The following NPIPB12 variants were observed in gnomAD, a reference collection of about 807,000 sequenced individuals.
The protein encoded by NPIPB12 is nuclear pore complex interacting protein family member B12, also known as nuclear pore complex-interacting protein family member B12.
rs1396078682 is a variant in NPIPB12 at position 29,497,639 on chromosome 16, CCT to C, written c.75+1683_75+1684del. On this transcript the variant is annotated intron_variant, in intron 1 of 5. Transcript: ENST00000617311. ...TATGTGAGTGAAGACGAAGACTTCCCCTGAGTAAGTTCAGACAGCTTCTGATA... is the reference window on the plus strand; with the variant it reads ...TATGTGAGTGAAGACGAAGACTTCCCGAGTAAGTTCAGACAGCTTCTGATA... Among the ~76,000 whole-genome samples, 25 of 62,102 alleles carry C rather than the reference CCT, an allele frequency of 4.0e-4. 8 individuals are homozygous for C. Among genetic ancestry groups the C allele is most frequent in the Admixed American group, 2.8e-3 (18 of 6,508 alleles). 40.7% of individuals were successfully genotyped at this position (62,102 alleles called of 152,430 possible).
At chr16:29,492,761 T>TCCAG (rs1965104395) in intron 2 of NPIPB12, among the ~76,000 whole-genome samples, 1 of 124,738 alleles carries the variant, frequency 8.0e-6, no homozygotes, top group African/African-American at 3.1e-5. Context: ...ACCACTGCAC[T>TCCAG]CCAGCCTGGT....
intron 4 of NPIPB12, among the ~76,000 whole-genome samples, chr16:29,490,412 C>T (rs1230228444): frequency 2.0e-5 from 3 of 147,296 alleles, no homozygotes; most frequent in African/African-American, 2.5e-5. Flanking sequence ...ACTAGCCTGG[C>T]CAACATGGTG....
At chr16:29,485,481 G>A (rs1414943217), downstream of NPIPB12, 1 of 1,590,082 alleles carries the variant, frequency 6.3e-7, no homozygotes, top group Admixed American at 1.7e-5. Context: ...CGCTGAGGGT[G>A]GAAGGGGAGT....
In NPIPB12 at chr16:29,490,953, C is replaced by CT. The variant is rs1215658073; in HGVS notation, c.449+513dup. Among the ~76,000 whole-genome samples the CT allele has an allele frequency of 7.5e-5, 11 of 145,840 alleles. No homozygotes were observed. In the South Asian group the frequency reaches 2.4e-3, roughly 32 times the overall value. ...AGGCTGGCTGTGGTGGCTCACGCCTCTAATACCAGCACTTTGGGAGGCTGA... is the reference window on the plus strand; with the variant it reads ...AGGCTGGCTGTGGTGGCTCACGCCTCTTAATACCAGCACTTTGGGAGGCTGA... On this transcript the variant is annotated intron_variant, in intron 4 of 5. Transcript: ENST00000617311.
intron 1 of NPIPB12, among the ~76,000 whole-genome samples, chr16:29,497,183 C>T (rs1247840472): frequency 1.0e-5 from 1 of 97,062 alleles, no homozygotes; most frequent in African/African-American, 3.5e-5. Context: ...GAAGAGATTA[C>T]TTCATTCACA....
downstream of NPIPB12, chr16:29,485,410 G>GTGGAGCTGAGGT: frequency 1.9e-6 from 1 of 540,220 alleles, no homozygotes; most frequent in South Asian, 2.4e-5. Flanking sequence ...GGAGCTGAGG[G>GTGGAGCTGAGGT]TGGAGCTGAG....
chr16:29,498,381 G>A (rs1344903960), intron 1 of NPIPB12, among the ~76,000 whole-genome samples: 4 of 140,538 alleles, frequency 2.8e-5, no homozygotes, highest in East Asian at 2.3e-4. Flanking sequence ...GCTGGTGTAT[G>A]TACTTTCCAA....
upstream of NPIPB12, among the ~76,000 whole-genome samples, chr16:29,504,271 G>A (rs1404924454): frequency 2.2e-4 from 19 of 85,276 alleles, no homozygotes; most frequent in East Asian, 4.5e-3. Context: ...CACTTTGGGA[G>A]GCCGCGGTGG....
chr16:29,504,526 GTGT>G (rs1965214622), intron 2 of NPIPB12, among the ~76,000 whole-genome samples: 1 of 134,148 alleles, frequency 7.5e-6, no homozygotes, highest in Non-Finnish European at 1.6e-5. Flanking sequence ...GTGTGTGTGT[GTGT>G]GTGTGTGTGT....
chr16:29,490,729 CAAAAA>C (rs1200754352), intron 4 of NPIPB12, among the ~76,000 whole-genome samples: 1 of 1,924 alleles, frequency 5.2e-4, no homozygotes, highest in African/African-American at 3.6e-3. Flanking sequence ...GACTCTGTCT[CAAAAA>C]AAAAAAAAAA....
intron 4 of NPIPB12, among the ~76,000 whole-genome samples, chr16:29,490,287 CTG>C (rs1296766231): frequency 2.6e-4 from 21 of 81,002 alleles, no homozygotes; most frequent in African/African-American, 1.1e-3. Context: ...ACATGAAAGA[CTG>C]TGAAAATGAA....
upstream of NPIPB12, among the ~76,000 whole-genome samples, chr16:29,504,434 G>A (rs1289301205): frequency 1.2e-5 from 1 of 85,936 alleles, no homozygotes; most frequent in Non-Finnish European, 2.3e-5. Context: ...GAACCCGGGA[G>A]ACGGAGGTTG....
chr16:29,495,585 T>C (rs1309836305), exon 2 of NPIPB12: 1 of 47,280 alleles, frequency 2.1e-5, no homozygotes, highest in Admixed American at 3.1e-4. Flanking sequence ...ACGATGATGA[T>C]GGTCAGCCAG....
At chr16:29,498,436 G>A (rs1325837443) in intron 1 of NPIPB12, among the ~76,000 whole-genome samples, 5 of 78,462 alleles carry the variant, frequency 6.4e-5, no homozygotes, top group Non-Finnish European at 9.5e-5. Context: ...GGCCAGGCGC[G>A]GTGGCTCACG....
intron 2 of NPIPB12, among the ~76,000 whole-genome samples, chr16:29,504,651 C>T (rs1456977448): frequency 3.4e-4 from 10 of 29,580 alleles, no homozygotes; most frequent in Non-Finnish European, 3.7e-4. Flanking sequence ...TTAATTATTA[C>T]TATTGGACTT....
chr16:29,490,475 C>T (rs1965067261), intron 4 of NPIPB12, among the ~76,000 whole-genome samples: 1 of 149,376 alleles, frequency 6.7e-6, no homozygotes, highest in Admixed American at 6.6e-5. Flanking sequence ...TGGCTCACGC[C>T]TGTAATCCCA....
chr16:29,504,514 ATGTG>A (rs375593232), intron 2 of NPIPB12, among the ~76,000 whole-genome samples: 24,635 of 136,456 alleles, frequency 0.18, 403 homozygotes, highest in Admixed American at 0.22. Flanking sequence ...CAAAAAATAT[ATGTG>A]TGTGTGTGTG....
chr16:29,490,504 G>T (rs1965068225), intron 4 of NPIPB12, among the ~76,000 whole-genome samples: 2 of 149,638 alleles, frequency 1.3e-5, no homozygotes, highest in East Asian at 2.0e-4. Context: ...GGAGGCCGAG[G>T]TGTGCGGATC....
At chr16:29,497,085 A>G (rs1965141388) in intron 1 of NPIPB12, among the ~76,000 whole-genome samples, 1 of 73,952 alleles carries the variant, frequency 1.4e-5, no homozygotes, top group Non-Finnish European at 2.9e-5. Context: ...TGGTAAAAGA[A>G]TCCCTCTAAA....
Sources: gnomAD v4.1 joint callset for allele counts (sites outside exome capture counted in the v4.1 genomes callset) on GRCh38, gnomAD v4.1.1 for gene constraint, MANE v1.5 for transcripts, NCBI Gene and HGNC (gene_info 2026-07-23, HGNC 2026-07-21) for gene names.